TEX11: variants seen among roughly 807,000 people sequenced by gnomAD.
TEX11 encodes the protein testis expressed 11, also known as testis-expressed protein 11.
In TEX11, 7 loss-of-function variants were observed where a neutral mutation model predicts 84.4. The ratio of observed to expected loss-of-function variants is 0.08; its 90% CI spans 0.05 to 0.16. The LOEUF (loss-of-function observed/expected upper bound fraction) is 0.16. Ranked by LOEUF, TEX11 falls within the 10% of genes least tolerant of loss-of-function variation. The pLI is 1.00. For missense variants in TEX11, 551 were observed against 660.5 expected (o/e 0.83, Z 1.82); for synonymous variants, 264 against 222.8 (o/e 1.18, Z -1.64).
At chrX:70,571,166 G>A (rs1457868881) in intron 25 of TEX11, among the ~76,000 whole-genome samples, 2 of 111,029 alleles carry the variant, frequency 1.8e-5, no homozygotes, top group Non-Finnish European at 3.8e-5. Context: ...TTACAGGCAT[G>A]TGCCACCATG....
rs7892092 is a variant in TEX11 at position 70,790,749 on chromosome X, C to T, written c.692+15956G>A. Among the ~76,000 whole-genome samples, 630 of 111,897 alleles carry T rather than the reference C, an allele frequency of 5.6e-3. 9 individuals carry two copies. The highest frequency in any genetic ancestry group is 0.02 in the African/African-American group (604 of 30,843). ...CAAGAGCAAGCACACAGCATAGCCT[C>T]CACTGCCCTGCCTGAGTGCTTTGCC... On this transcript the variant is annotated intron_variant, in intron 9 of 29. Transcript: ENST00000374333.
intron 17 of TEX11, among the ~76,000 whole-genome samples, chrX:70,630,236 C>A (rs1323605073): frequency 9.4e-6 from 1 of 106,461 alleles, no homozygotes; most frequent in Non-Finnish European, 1.9e-5. Flanking sequence ...GGCGTTAACC[C>A]GGGAGGCGGA....
At chrX:70,907,535 T>C (rs997895933) in intron 2 of TEX11, among the ~76,000 whole-genome samples, 5 of 111,241 alleles carry the variant, frequency 4.5e-5, no homozygotes, top group Non-Finnish European at 9.4e-5. Context: ...GCCTCCTGAG[T>C]AGCTGGGATT....
intron 25 of TEX11, among the ~76,000 whole-genome samples, chrX:70,564,511 G>A (rs1313171016): frequency 4.6e-5 from 5 of 107,929 alleles, no homozygotes; most frequent in Admixed American, 4.0e-4. Context: ...CCATTAACTC[G>A]TCATTTAGCA....
chrX:70,537,813 T>G (rs986577069), intron 28 of TEX11, among the ~76,000 whole-genome samples: 1 of 111,092 alleles, frequency 9.0e-6, no homozygotes, highest in African/African-American at 3.3e-5. Context: ...ACGGAAACTG[T>G]GAGGTACAAG....
At chrX:70,544,558 T>G (rs1270528800) in intron 28 of TEX11, among the ~76,000 whole-genome samples, 1 of 110,689 alleles carries the variant, frequency 9.0e-6, no homozygotes. Flanking sequence ...CTTGTCTTAC[T>G]GCAACTTTTT....
At chrX:70,604,839 T>G (rs897287607) in intron 24 of TEX11, among the ~76,000 whole-genome samples, 2 of 111,309 alleles carry the variant, frequency 1.8e-5, no homozygotes, top group Non-Finnish European at 3.8e-5. Flanking sequence ...AATAATCTGG[T>G]GTATGGGAGA....
intron 4 of TEX11, among the ~76,000 whole-genome samples, chrX:70,862,329 C>G (rs2091574669): frequency 8.9e-6 from 1 of 111,822 alleles, no homozygotes; most frequent in Admixed American, 9.5e-5. Flanking sequence ...TTTTAAAAAA[C>G]AGCTTCACAA....
chrX:70,573,039 G>T (rs1325634429), intron 25 of TEX11, among the ~76,000 whole-genome samples: 1 of 111,560 alleles, frequency 9.0e-6, no homozygotes, highest in Non-Finnish European at 1.9e-5. Flanking sequence ...ATTCACATTT[G>T]TCCTTTCTAA....
Position 70,750,932 on chromosome X carries a change from AAAT to A in TEX11, c.693-6716_693-6714del, listed in dbSNP as rs1157617444. Among the ~76,000 whole-genome samples, 103 of 38,731 alleles carry A rather than the reference AAAT, an allele frequency of 2.7e-3. 1 individual carries two copies. Among genetic ancestry groups the A allele is most frequent in the South Asian group, 0.022 (9 of 406 alleles). The allele number at this position is 38,731 out of a possible 115,157, so 33.6% of individuals were successfully genotyped here. A position where few individuals can be genotyped will look rare whatever the true frequency, so the allele number is the denominator to read the frequency against. On this transcript the variant is annotated intron_variant, in intron 9 of 29. Transcript: ENST00000374333. ...AACTTAAAGTATAATAAAAAAAAAAAAATATATATATATATATATATATATATA... is the reference window on the plus strand; with the variant it reads ...AACTTAAAGTATAATAAAAAAAAAAAATATATATATATATATATATATATA...
chrX:70,860,821 C>T, intron 5 of TEX11, 36 bp downstream of exon 5: 3 of 995,431 alleles, frequency 3.0e-6, no homozygotes, highest in Non-Finnish European at 4.2e-6. Context: ...ACAACCATCT[C>T]ATTTCATCTC....
chrX:70,794,985 G>C (rs1316876776), intron 9 of TEX11, among the ~76,000 whole-genome samples: 1 of 108,585 alleles, frequency 9.2e-6, no homozygotes, highest in African/African-American at 3.4e-5. Flanking sequence ...TTGCAGCTTA[G>C]GTACCAGGTC....
chrX:70,569,176 C>A (rs774933938), intron 25 of TEX11, among the ~76,000 whole-genome samples: 3 of 112,019 alleles, frequency 2.7e-5, no homozygotes, highest in African/African-American at 9.7e-5. Context: ...TCACTGACAC[C>A]CTTTCTTCCA....
At chrX:70,680,062 C>G (rs1441460435) in intron 14 of TEX11, among the ~76,000 whole-genome samples, 2 of 50,207 alleles carry the variant, frequency 4.0e-5, no homozygotes, top group African/African-American at 7.1e-5. Flanking sequence ...TGCCCGGCCA[C>G]CACCCCGTCT....
At chrX:70,568,993 CAG>C (rs2088542205) in intron 25 of TEX11, among the ~76,000 whole-genome samples, 1 of 111,956 alleles carries the variant, frequency 8.9e-6, no homozygotes, top group East Asian at 2.8e-4. Context: ...TAATATCCTA[CAG>C]AGTGTTTTCC....
At chrX:70,895,417 G>T (rs774448497) in intron 2 of TEX11, among the ~76,000 whole-genome samples, 1 of 111,770 alleles carries the variant, frequency 8.9e-6, no homozygotes, top group East Asian at 2.8e-4. Context: ...TGGATAAGAA[G>T]AATAAATATC....
At chrX:70,877,945 G>T (rs1337849279) in intron 3 of TEX11, among the ~76,000 whole-genome samples, 1 of 110,904 alleles carries the variant, frequency 9.0e-6, no homozygotes, top group African/African-American at 3.3e-5. Context: ...TTTGCAAGAC[G>T]AAAAGGGTTC....
rs758293359 is a variant in TEX11, at chrX:70,906,569, A to G, written c.37+1184T>C. ...TTGGGAGGCCGAGGCAGGTGTATCAACTGAAGTCAGGAGTTCGAGACCAGC... is the reference window on the plus strand; with the variant it reads ...TTGGGAGGCCGAGGCAGGTGTATCAGCTGAAGTCAGGAGTTCGAGACCAGC... On this transcript the variant is annotated intron_variant, in intron 2 of 29. Transcript: ENST00000374333. Among the ~76,000 whole-genome samples the G allele has an allele frequency of 3.3e-4, 37 of 111,031 alleles. 1 individual carries two copies. In the South Asian group the frequency reaches 0.013, roughly 40 times the overall value.
chrX:70,881,359 A>G (rs752667170), intron 2 of TEX11, among the ~76,000 whole-genome samples: 1 of 110,360 alleles, frequency 9.1e-6, no homozygotes, highest in South Asian at 3.9e-4. Context: ...CTAAACAATA[A>G]GCATGATGTA....
Sources: allele counts gnomAD v4.1 joint callset (sites outside exome capture counted in the v4.1 genomes callset), GRCh38; gene constraint gnomAD v4.1.1; transcripts MANE v1.5; gene names NCBI Gene and HGNC (gene_info 2026-07-23, HGNC 2026-07-21).